Variants in HSD17B3 observed in about 807,000 individuals in gnomAD.
HSD17B3 encodes 17-beta-hydroxysteroid dehydrogenase type 3.
HSD17B3 carries 29 observed loss-of-function variants against 41.1 expected under a neutral mutation model. That is an observed-to-expected ratio of 0.71 (90% confidence interval 0.53 to 0.96). The LOEUF is 0.96. Ranked by LOEUF, HSD17B3 falls within the 40% of genes least tolerant of loss-of-function variation. The probability of loss-of-function intolerance (pLI) is 0.00; values close to 1 mark genes in which losing one functional copy is unlikely to be tolerated. For missense variants in HSD17B3, 323 were observed against 374.6 expected, an observed-to-expected ratio of 0.86 and a Z score of 1.14; for synonymous variants, 126 against 145.6, an observed-to-expected ratio of 0.87 and a Z score of 0.97.
At chr9:96,275,785 T>C (rs1015351909) in intron 2 of HSD17B3, among the ~76,000 whole-genome samples, 3 of 150,532 alleles carry the variant, frequency 2.0e-5, no homozygotes, top group African/African-American at 7.3e-5. Flanking sequence ...TGAAAGCAAA[T>C]CAATGCAAAA....
At chr9:96,254,530 T>C (rs747475039) in intron 3 of HSD17B3, among the ~76,000 whole-genome samples, 1 of 152,256 alleles carries the variant, frequency 6.6e-6, no homozygotes, top group Non-Finnish European at 1.5e-5. Flanking sequence ...ATTGACTCTC[T>C]TTCTTATTCA....
intron 5 of HSD17B3, 161 bp downstream of exon 5, chr9:96,251,257 G>T: frequency 1.6e-6 from 1 of 631,230 alleles, no homozygotes; most frequent in Non-Finnish European, 2.8e-6. Context: ...ACTGTGGATC[G>T]AGTGCTAAGG....
intron 2 of HSD17B3, 60 bp from the exon 3 acceptor site, chr9:96,255,003 G>C: frequency 1.4e-6 from 2 of 1,431,456 alleles, no homozygotes; most frequent in Non-Finnish European, 2.0e-6. Flanking sequence ...GAGGGCTTGT[G>C]TTAAGGTGAC....
chr9:96,242,001 GAAAGAGAAAGAAAAGAAAGA>G (rs1836472157), intron 9 of HSD17B3, among the ~76,000 whole-genome samples: 2 of 130,504 alleles, frequency 1.5e-5, no homozygotes, highest in South Asian at 5.1e-4. Context: ...AAGAAAGAAA[GAAAGAGAAAGAAAAGAAAGA>G]AAAGAAAAAG....
At chr9:96,279,054 G>A (rs976113167) in intron 2 of HSD17B3, among the ~76,000 whole-genome samples, 1 of 152,198 alleles carries the variant, frequency 6.6e-6, no homozygotes, top group Non-Finnish European at 1.5e-5. Context: ...CCTCCACTAC[G>A]TGGCAGGATG....
rs558641095 is a variant in HSD17B3 at position 96,243,639 on chromosome 9, G to A, written c.672+690C>T. Among the ~76,000 whole-genome samples, 19 of 152,240 alleles carry A rather than the reference G, an allele frequency of 1.2e-4. No homozygotes were observed. The South Asian group carries it at 3.5e-3, about 28-fold the overall frequency. ...AAAACAAAAACTCTGTTTATTCTAC[G>A]TTCCAGAAACTATCTAACTCTAACT... On this transcript the variant is annotated intron_variant, in intron 9 of 10. Transcript: ENST00000375263.
At chr9:96,264,339 G>A (rs1176493252) in intron 2 of HSD17B3, among the ~76,000 whole-genome samples, 1 of 151,710 alleles carries the variant, frequency 6.6e-6, no homozygotes, top group Non-Finnish European at 1.5e-5. Context: ...AATGGGGGGT[G>A]GGAATGAAAG....
chr9:96,286,238 G>A (rs1185694175), intron 2 of HSD17B3, among the ~76,000 whole-genome samples: 1 of 152,154 alleles, frequency 6.6e-6, no homozygotes, highest in South Asian at 2.1e-4. Flanking sequence ...CAGCTACTCA[G>A]GAGGTTGAGG....
intron 2 of HSD17B3, among the ~76,000 whole-genome samples, chr9:96,270,077 C>T (rs971077208): frequency 2.0e-5 from 3 of 151,952 alleles, no homozygotes; most frequent in Admixed American, 6.6e-5. Flanking sequence ...TTACATGTGT[C>T]GGGGTGAGGG....
intron 2 of HSD17B3, among the ~76,000 whole-genome samples, chr9:96,284,285 T>G (rs1232876561): frequency 6.6e-6 from 1 of 151,754 alleles, no homozygotes; most frequent in East Asian, 1.9e-4. Context: ...ATGTTACTGT[T>G]TTGTTTTGTT....
chr9:96,241,523 G>T (rs1019235023), intron 9 of HSD17B3, among the ~76,000 whole-genome samples: 4 of 152,148 alleles, frequency 2.6e-5, no homozygotes, highest in African/African-American at 7.2e-5. Context: ...ATCACACATT[G>T]TGCCCTAAAA....
intron 10 of HSD17B3, among the ~76,000 whole-genome samples, chr9:96,238,726 G>A (rs372038165): frequency 6.6e-6 from 1 of 152,184 alleles, no homozygotes; most frequent in Non-Finnish European, 1.5e-5. Flanking sequence ...GAAAGAGAAA[G>A]GCGTGGTCAG....
At position 96,240,845 on chromosome 9, in the gene HSD17B3, G is replaced by T. The variant is rs746784668; in HGVS notation, c.735C>A (p.Thr245=). Reference sequence around the variant, plus strand: ...CTTTGACAAACTCATCAGCAGTCTTGGTTATCACATTTGTATTTAGATACT... The same window carrying T: ...CTTTGACAAACTCATCAGCAGTCTTTGTTATCACATTTGTATTTAGATACT... ...MTKYLNTNVI[T]KTADEFVKES... is the part of the protein sequence containing the mutation. Residue 245 remains threonine (T), a synonymous_variant, in exon 10 of 11, where the codon ACC becomes ACA. Transcript: ENST00000375263. The T allele has an allele frequency of 1.6e-5, 26 of 1,613,890 alleles. No homozygotes were observed. Among genetic ancestry groups the T allele is most frequent in the Non-Finnish European group, 2.1e-5 (25 of 1,179,960 alleles).
chr9:96,269,814 G>C (rs959123089), intron 2 of HSD17B3, among the ~76,000 whole-genome samples: 1 of 149,300 alleles, frequency 6.7e-6, no homozygotes, highest in Non-Finnish European at 1.5e-5. Context: ...TGAGGCAGGA[G>C]AATCACCTGA....
rs1362355948 is a variant in HSD17B3, at chr9:96,290,024, TC to T, written c.201+8391del. On this transcript the variant is annotated intron_variant, in intron 2 of 10. Coordinates refer to ENST00000375263, the MANE Select transcript of HSD17B3 (RefSeq NM_000197.2). ...TGGGAATGCCAGGAAAAACAGGGCT[TC>T]CTCTGTGTGGCCAAGAATAAAAGAA... is the stretch of plus-strand genomic sequence containing the variant. 5.3e-5 allele frequency among the ~76,000 whole-genome samples: 8 copies of T among 152,204 alleles called. No homozygotes were observed. In the East Asian group the frequency reaches 1.2e-3, roughly 22 times the overall value.
intron 3 of HSD17B3, 44 bp from the exon 4 acceptor site, chr9:96,252,954 T>G (rs746949197): frequency 8.2e-7 from 1 of 1,219,612 alleles, no homozygotes; most frequent in East Asian, 2.3e-5. Flanking sequence ...GGGATCCAAA[T>G]GCCCCCTCGC....
chr9:96,268,250 T>C (rs1350724266), intron 2 of HSD17B3, among the ~76,000 whole-genome samples: 3 of 152,146 alleles, frequency 2.0e-5, no homozygotes, highest in Non-Finnish European at 4.4e-5. Flanking sequence ...GAAATGGTTC[T>C]TGAGCCTTCT....
intron 2 of HSD17B3, among the ~76,000 whole-genome samples, chr9:96,262,589 T>C (rs1825903283): frequency 6.6e-6 from 1 of 152,048 alleles, no homozygotes; most frequent in African/African-American, 2.4e-5. Flanking sequence ...TAATTTGAAG[T>C]TATATTGTCA....
chr9:96,264,453 A>G (rs879388788), intron 2 of HSD17B3, among the ~76,000 whole-genome samples: 2 of 152,188 alleles, frequency 1.3e-5, no homozygotes, highest in African/African-American at 2.4e-5. Context: ...GGGATAAAGG[A>G]TCAGAAAGGG....
Sources: allele counts gnomAD v4.1 joint callset (sites outside exome capture counted in the v4.1 genomes callset), GRCh38; gene constraint gnomAD v4.1.1; transcripts MANE v1.5; gene names NCBI Gene and HGNC (gene_info 2026-07-23, HGNC 2026-07-21).